The following NFKB1 variants were observed in gnomAD, a reference collection of about 807,000 sequenced individuals.
NFKB1 encodes the protein nuclear factor kappa B subunit 1.
NFKB1 carries 9 observed loss-of-function variants against 105.1 expected under a neutral mutation model. The observed-to-expected ratio is 0.09, with a 90% CI of 0.05 to 0.15. The LOEUF (loss-of-function observed/expected upper bound fraction) is 0.15, where lower values mean the gene tolerates loss of function less well. Among genes scored for constraint, NFKB1 ranks in the 10% least tolerant of loss-of-function variants. The pLI, the probability that NFKB1 is intolerant of heterozygous loss-of-function variation, is 1.00. For missense variants in NFKB1, 830 were observed against 1,203.7 expected (o/e 0.69, Z 4.59); for synonymous variants, 440 against 442.2 (o/e 1.00, Z 0.06).
chr4:102,582,329 A>AAT (rs1163067855), intron 9 of NFKB1, among the ~76,000 whole-genome samples: 1 of 152,220 alleles, frequency 6.6e-6, no homozygotes, highest in Non-Finnish European at 1.5e-5. Context: ...ATAAGTACTT[A>AAT]ACCTCTTTGG....
chr4:102,577,060 C>T, intron 7 of NFKB1, 21 bp downstream of exon 7: 1 of 1,602,952 alleles, frequency 6.2e-7, no homozygotes, highest in South Asian at 1.1e-5. Flanking sequence ...TTTTCCTGGC[C>T]TTGATCCTCC....
intron 2 of NFKB1, among the ~76,000 whole-genome samples, chr4:102,529,190 G>C (rs1469611072): frequency 6.6e-6 from 1 of 152,054 alleles, no homozygotes; most frequent in Non-Finnish European, 1.5e-5. Flanking sequence ...CATGTTTAGG[G>C]GGTCGTTATT....
intron 1 of NFKB1, among the ~76,000 whole-genome samples, chr4:102,502,418 A>G (rs1739146384): frequency 1.4e-5 from 2 of 143,134 alleles, no homozygotes; most frequent in Non-Finnish European, 3.0e-5. Context: ...ACACACACAC[A>G]CACACACACG....
rs368888605 is a variant in NFKB1 at position 102,522,965 on chromosome 4, C to T, written c.-7-2547C>T. ...TACTATAGATATATACTCATAAATA[C>T]GTGTAAAAATCCAAGTTTACCAAAA... On this transcript the variant is annotated intron_variant, in intron 1 of 23. Coordinates refer to ENST00000226574, the MANE Select transcript of NFKB1 (RefSeq NM_003998.4). 8.5e-5 allele frequency among the ~76,000 whole-genome samples: 13 copies of T among 152,192 alleles called. No homozygotes were observed. In the East Asian group the frequency reaches 2.1e-3, roughly 25 times the overall value.
intron 5 of NFKB1, among the ~76,000 whole-genome samples, chr4:102,559,185 T>A (rs1723206795): frequency 6.6e-6 from 1 of 152,152 alleles, no homozygotes; most frequent in Admixed American, 6.5e-5. Context: ...GGACATGAGA[T>A]GGTCAGATAG....
rs1017383520 is a variant in NFKB1, at chr4:102,580,628, A to G, written c.824A>G (p.Lys275Arg). The stretch of plus-strand genomic sequence containing the variant: ...GAGGAAATTTATCTTCTTTGTGACA[A>G]AGTTCAGAAAGGTAAATACATTCTG... Reference protein sequence around the residue: ...GGEEIYLLCDKVQKDDIQIRF... With the variant: ...GGEEIYLLCDRVQKDDIQIRF... Residue 275 changes from lysine (K) to arginine (R), a missense_variant, in exon 9 of 24, where the codon AAA (lysine) becomes AGA (arginine). Coordinates refer to ENST00000226574, the MANE Select transcript of NFKB1 (RefSeq NM_003998.4). The G allele has an allele frequency of 1.9e-6, 3 of 1,612,506 alleles. No individual in the cohort carries two copies. The highest frequency in any genetic ancestry group is 1.7e-6 in the Non-Finnish European group (2 of 1,178,766).
chr4:102,580,902 TC>T (rs1248001534), intron 9 of NFKB1, among the ~76,000 whole-genome samples: 1 of 152,244 alleles, frequency 6.6e-6, no homozygotes, highest in Non-Finnish European at 1.5e-5. Context: ...TCAGTGACTT[TC>T]AGTATCTTTA....
chr4:102,514,230 G>A (rs1186558536), intron 1 of NFKB1, among the ~76,000 whole-genome samples: 1 of 151,880 alleles, frequency 6.6e-6, no homozygotes, highest in Non-Finnish European at 1.5e-5. Context: ...TCATTCAGTG[G>A]GGTGTTGTAG....
chr4:102,534,460 T>G (rs955980113), intron 4 of NFKB1, among the ~76,000 whole-genome samples: 9 of 152,196 alleles, frequency 5.9e-5, no homozygotes, highest in Non-Finnish European at 1.0e-4. Flanking sequence ...GAACATTTTT[T>G]CAGGTGCTTC....
chr4:102,586,198 G>GTGCAGTGATACTGTGA (rs1725699158), intron 11 of NFKB1, among the ~76,000 whole-genome samples: 1 of 152,158 alleles, frequency 6.6e-6, no homozygotes, highest in Non-Finnish European at 1.5e-5. Context: ...TTAAGAGAGA[G>GTGCAGTGATACTGTGA]TGCAGTGATA....
In NFKB1 at chr4:102,561,281, T is replaced by TG. The variant is rs796667355; in HGVS notation, c.259-5706_259-5705insG. Among the ~76,000 whole-genome samples, 484 of 123,718 alleles carry TG rather than the reference T, an allele frequency of 3.9e-3. 1 individual carries two copies. Among genetic ancestry groups the TG allele is most frequent in the Middle Eastern group, 0.013 (3 of 238 alleles). The allele number at this position is 123,718 out of a possible 152,430, so 81.2% of individuals were successfully genotyped here. A position where few individuals can be genotyped will look rare whatever the true frequency, so the allele number is the denominator to read the frequency against. On this transcript the variant is annotated intron_variant, in intron 5 of 23. Transcript: ENST00000226574. ...CTTTCTTTCCTTTTTTTTTTTTTTT[T>TG]TGTGTGTGTGTGTGTGCCTGATAAT...
chr4:102,580,753 C>A, intron 9 of NFKB1, 114 bp downstream of exon 9: 1 of 731,572 alleles, frequency 1.4e-6, no homozygotes, highest in Non-Finnish European at 2.2e-6. Context: ...CCTCTGCTGC[C>A]ACAGAAAGTC....
In NFKB1 at chr4:102,607,286, C is replaced by A; in HGVS notation, c.2091C>A (p.Asp697Glu). 6.2e-7 allele frequency: 1 copy of A among 1,613,594 alleles called. No homozygotes were observed. The highest frequency in any genetic ancestry group is 8.5e-7 in the Non-Finnish European group (1 of 1,179,502). ...RTALHLAVEH[D>E]NISLAGCLLL... ...CACTGCACCTGGCTGTGGAGCACGACAACATCTCATTGGCAGGCTGCCTGC... is the reference window on the plus strand; with the variant it reads ...CACTGCACCTGGCTGTGGAGCACGAAAACATCTCATTGGCAGGCTGCCTGC... The change falls in exon 18 of 24, where the codon GAC becomes GAA. Residue 697 changes from aspartate (D) to glutamate (E), a missense_variant. Around this residue, in one of 8 missense-constraint regions of NFKB1, gnomAD observed 418 missense variants for 575.3 expected, o/e 0.73. Transcript: ENST00000226574.
chr4:102,521,520 A>G (rs1740571590), intron 1 of NFKB1, among the ~76,000 whole-genome samples: 1 of 152,208 alleles, frequency 6.6e-6, no homozygotes, highest in Admixed American at 6.5e-5. Flanking sequence ...ATTTTTTCAA[A>G]CTGAAAATCA....
intron 1 of NFKB1, among the ~76,000 whole-genome samples, chr4:102,504,343 C>T (rs1739289448): frequency 6.6e-6 from 1 of 152,124 alleles, no homozygotes; most frequent in Non-Finnish European, 1.5e-5. Context: ...CTCTTCTGGT[C>T]CACAGATTGA....
At chr4:102,603,295 A>C (rs141803091) in intron 16 of NFKB1, among the ~76,000 whole-genome samples, 405 of 148,082 alleles carry the variant, frequency 2.7e-3, no homozygotes, top group Non-Finnish European at 4.4e-3. Context: ...CTGGTCTTGA[A>C]CTCCTGATCT....
At chr4:102,565,253 G>C (rs1042308112) in intron 5 of NFKB1, among the ~76,000 whole-genome samples, 3 of 152,076 alleles carry the variant, frequency 2.0e-5, no homozygotes, top group African/African-American at 7.2e-5. Flanking sequence ...TGGGGACCCT[G>C]CTCTTTGAGA....
intron 4 of NFKB1, among the ~76,000 whole-genome samples, chr4:102,536,945 C>T (rs976418973): frequency 1.3e-5 from 2 of 152,086 alleles, no homozygotes; most frequent in South Asian, 4.1e-4. Flanking sequence ...GGAAATACAG[C>T]GAAACCTCCC....
Position 102,504,319 on chromosome 4 carries a change from A to C in NFKB1, c.-8+2531A>C, listed in dbSNP as rs1024709942. ...TACTGTTGTATAACCAATAGAGTAAATTCTCAGATTATGCTCTTCTGGTCC... is the reference window on the plus strand; with the variant it reads ...TACTGTTGTATAACCAATAGAGTAACTTCTCAGATTATGCTCTTCTGGTCC... On this transcript the variant is annotated intron_variant, in intron 1 of 23. Coordinates refer to ENST00000226574, the MANE Select transcript of NFKB1 (RefSeq NM_003998.4). Among the ~76,000 whole-genome samples the C allele has an allele frequency of 1.3e-5, 2 of 152,270 alleles. 1 individual carries two copies. Among genetic ancestry groups the C allele is most frequent in the South Asian group, 4.1e-4 (2 of 4,824 alleles).
Sources: allele counts gnomAD v4.1 joint callset (sites outside exome capture counted in the v4.1 genomes callset), GRCh38; gene constraint gnomAD v4.1.1; regional missense constraint gnomAD v4.1.1; transcripts MANE v1.5; gene names NCBI Gene and HGNC (gene_info 2026-07-23, HGNC 2026-07-21).